JADE2: variants seen among roughly 807,000 people sequenced by gnomAD.
The protein encoded by JADE2 is jade family PHD finger 2.
In JADE2, 13 loss-of-function variants were observed where a neutral mutation model predicts 85.7. The ratio of observed to expected loss-of-function variants is 0.15; its 90% CI spans 0.10 to 0.24. The LOEUF is 0.24. Among genes scored for constraint, JADE2 ranks in the 10% least tolerant of loss-of-function variants. JADE2 has a pLI of 1.00. For synonymous variants in JADE2, 440 were observed against 456.1 expected, an observed-to-expected ratio of 0.96 and a Z score of 0.45; for missense variants, 846 against 1,115.9, an observed-to-expected ratio of 0.76 and a Z score of 3.45.
chr5:134,572,351 G>T (rs545618321), intron 9 of JADE2, among the ~76,000 whole-genome samples: 1 of 152,376 alleles, frequency 6.6e-6, no homozygotes, highest in African/African-American at 2.4e-5. Context: ...GGAGGCCTGA[G>T]GCTGGAGCCA....
rs368348478 is a variant in JADE2, at chr5:134,533,417, C to A, written c.1-2441C>A. On this transcript the variant is annotated intron_variant, in intron 1 of 11. Coordinates refer to ENST00000681547, the MANE Select transcript of JADE2 (RefSeq NM_001388185.1). ...GTAAAAAGCCAGTTCCAGTTTATCT[C>A]CTCTGGGAGGTATGTCTTTCCCAAG... 1.9e-3 allele frequency: 810 copies of A among 420,406 alleles called. 47 individuals are homozygous for A. The South Asian group carries it at 0.071, about 37-fold the overall frequency. 26.0% of individuals were successfully genotyped at this position (420,406 alleles called of 1,614,324 possible). A position where few individuals can be genotyped will look rare whatever the true frequency, so the allele number is the denominator to read the frequency against.
intron 6 of JADE2, 102 bp downstream of exon 6, chr5:134,561,059 T>G: frequency 1.3e-5 from 12 of 916,330 alleles, no homozygotes; most frequent in Non-Finnish European, 2.0e-5. Context: ...ACAGAAGCCC[T>G]TAAGAAGGAG....
At chr5:134,531,357 G>T (rs1761222786) in intron 1 of JADE2, among the ~76,000 whole-genome samples, 1 of 152,126 alleles carries the variant, frequency 6.6e-6, no homozygotes, top group African/African-American at 2.4e-5. Flanking sequence ...CAGGAGCTTA[G>T]GCTTTGTCTT....
Position 134,566,858 on chromosome 5 carries a change from G to T in JADE2, c.1434+278G>T, listed in dbSNP as rs1484636968. ...TGTCACAGGCCTGGTGAATGGTGGG[G>T]GCCCTGCCAAGGTCATGAGGCTGAG... On this transcript the variant is annotated intron_variant, in intron 9 of 11. Coordinates refer to ENST00000681547, the MANE Select transcript of JADE2 (RefSeq NM_001388185.1). This position sits in a 1 kb window ranked among gnomAD's most constrained non-coding sequence, Gnocchi z 6.7. Among the ~76,000 whole-genome samples the T allele has an allele frequency of 6.6e-6, 1 of 152,210 alleles. No individual in the cohort carries two copies. The highest frequency in any genetic ancestry group is 1.5e-5 in the Non-Finnish European group (1 of 68,040).
intron 2 of JADE2, 58 bp from the exon 3 acceptor site, chr5:134,537,931 T>C: frequency 1.6e-6 from 2 of 1,269,850 alleles, no homozygotes; most frequent in Non-Finnish European, 1.1e-6. Context: ...TTCTTGGGCA[T>C]GAGTGGGTGG....
chr5:134,528,114 C>T (rs1359787718), intron 1 of JADE2, among the ~76,000 whole-genome samples: 1 of 152,150 alleles, frequency 6.6e-6, no homozygotes, highest in Admixed American at 6.5e-5. Flanking sequence ...TGATCCCAGA[C>T]AGGCTGTCAG....
In JADE2 at chr5:134,526,006, AGCAAGGTAAGAT is replaced by A; in HGVS notation, c.-5_-1+7del. The A allele has an allele frequency of 1.0e-6, 1 of 985,408 alleles. No individual in the cohort carries two copies. Among genetic ancestry groups the A allele is most frequent in the Non-Finnish European group, 1.2e-6 (1 of 830,036 alleles). The allele number at this position is 985,408 out of a possible 1,614,324, so 61.0% of individuals were successfully genotyped here. A position where few individuals can be genotyped will look rare whatever the true frequency, so the allele number is the denominator to read the frequency against. On this transcript the variant is annotated splice_donor_variant and splice_donor_5th_base_variant and 5_prime_UTR_variant and intron_variant, in exon 1 of 12. Coordinates refer to ENST00000681547, the MANE Select transcript of JADE2 (RefSeq NM_001388185.1). LOFTEE classifies it low-confidence loss of function (5UTR_SPLICE). ...AGCGCCCGTCAGGGGGGCACCGCGG[AGCAAGGTAAGAT>A]CCAGCCCCCGGCGGATGGGCCCTGC... is the stretch of plus-strand genomic sequence containing the variant.
chr5:134,569,977 C>G (rs563352191), intron 9 of JADE2, among the ~76,000 whole-genome samples: 46 of 152,342 alleles, frequency 3.0e-4, no homozygotes, highest in African/African-American at 1.1e-3. Context: ...TCCGTGCCTG[C>G]AGTCTACTGC....
intron 10 of JADE2, chr5:134,575,367 A>G (rs1197146108): frequency 6.6e-6 from 1 of 152,316 alleles, no homozygotes; most frequent in East Asian, 1.9e-4. Flanking sequence ...GGTGAAGGAT[A>G]GGAGAAGAAA....
chr5:134,578,178 A>C lies in JADE2; in HGVS notation c.1682-316A>C, dbSNP rs1225581744. On this transcript the variant is annotated intron_variant, in intron 11 of 11. Transcript: ENST00000681547. This position sits in a 1 kb window ranked among gnomAD's most constrained non-coding sequence, Gnocchi z 4.4. ...AAAAACCTGCTAGACAAACTAAAAG[A>C]GCTATAACACTCCACCTTGAAATTC... Among the ~76,000 whole-genome samples the C allele has an allele frequency of 6.6e-6, 1 of 152,170 alleles. No individual in the cohort carries two copies. Among genetic ancestry groups the C allele is most frequent in the Non-Finnish European group, 1.5e-5 (1 of 68,042 alleles).
chr5:134,565,085 G>C (rs1251231827), intron 8 of JADE2, among the ~76,000 whole-genome samples: 1 of 152,192 alleles, frequency 6.6e-6, no homozygotes, highest in Non-Finnish European at 1.5e-5. Flanking sequence ...AACATAGACT[G>C]CTGGGCCTAC....
chr5:134,563,314 T>TAA (rs397966244), intron 7 of JADE2, among the ~76,000 whole-genome samples: 51 of 140,298 alleles, frequency 3.6e-4, no homozygotes, highest in East Asian at 6.1e-4. Context: ...TGAGACTGTT[T>TAA]AAAAAAAAAA....
chr5:134,532,599 T>C (rs1761315027), intron 1 of JADE2, among the ~76,000 whole-genome samples: 1 of 152,150 alleles, frequency 6.6e-6, no homozygotes, highest in African/African-American at 2.4e-5. Context: ...CTTGTGACAC[T>C]GAAATCTTCT....
chr5:134,576,441 GCCCT>G (rs1764369842), intron 10 of JADE2, among the ~76,000 whole-genome samples: 1 of 152,064 alleles, frequency 6.6e-6, no homozygotes, highest in Admixed American at 6.6e-5. Context: ...GGCATTCAAG[GCCCT>G]GCCCTGTCCA....
intron 9 of JADE2, among the ~76,000 whole-genome samples, chr5:134,572,449 G>T (rs1038702643): frequency 6.6e-6 from 1 of 152,330 alleles, no homozygotes; most frequent in East Asian, 1.9e-4. Context: ...GGCTGCCCTC[G>T]GACTGGGAGA....
rs1763650183 is a variant in JADE2, at chr5:134,566,478, G to A, written c.1332G>A (p.Leu444=). Residue 444 remains leucine, a synonymous_variant, in exon 9 of 12, where the codon CTG becomes CTA. Transcript: ENST00000681547. The surrounding 1 kb of genome is among the most constrained non-coding windows in gnomAD (Gnocchi z 6.7). The part of the protein sequence containing the change: ...KRKANANQPL[L]TPKTDEVDNL... The stretch of plus-strand genomic sequence containing the variant: ...AAGCCAATGCCAACCAGCCGCTGCT[G>A]ACCCCCAAGACCGACGAGGTGGACA... 1.9e-6 allele frequency: 3 copies of A among 1,612,848 alleles called. No homozygotes were observed. The highest frequency in any genetic ancestry group is 2.5e-6 in the Non-Finnish European group (3 of 1,179,526).
chr5:134,561,996 G>A (rs972310201), intron 6 of JADE2, among the ~76,000 whole-genome samples: 16 of 152,280 alleles, frequency 1.1e-4, no homozygotes, highest in Non-Finnish European at 1.8e-4. Context: ...TGGCATTTCA[G>A]GCATACAAGC....
At chr5:134,526,425 T>C (rs2149838124) in intron 1 of JADE2, 1 of 984,694 alleles carries the variant, frequency 1.0e-6, no homozygotes, top group Non-Finnish European at 1.2e-6. Context: ...CGGCGGGAGA[T>C]GGGTACGGTG....
chr5:134,524,756 CTCTTT>C (rs1760703759), upstream of JADE2, among the ~76,000 whole-genome samples: 1 of 152,206 alleles, frequency 6.6e-6, no homozygotes. Context: ...CGGACCGCCC[CTCTTT>C]TCTTGAGGTC....
Sources: allele counts gnomAD v4.1 joint callset (sites outside exome capture counted in the v4.1 genomes callset), GRCh38; gene constraint gnomAD v4.1.1; non-coding constraint Gnocchi (gnomAD v3.1); transcripts MANE v1.5; gene names NCBI Gene and HGNC (gene_info 2026-07-23, HGNC 2026-07-21).